Variants in LYZL2 observed in about 807,000 individuals in gnomAD.
The protein encoded by LYZL2 is lysozyme like 2, also known as lysozyme-like protein 2.
In LYZL2, 13 loss-of-function variants were observed where a neutral mutation model predicts 17.1. The ratio of observed to expected loss-of-function variants is 0.76; its 90% confidence interval spans 0.49 to 1.21. The LOEUF is 1.21. Among genes scored for constraint, LYZL2 ranks in the 50% most tolerant of loss-of-function variants. LYZL2 has a pLI of 0.00. For missense variants in LYZL2, 166 were observed against 189.2 expected (o/e 0.88, Z 0.72); for synonymous variants, 63 against 74.4 (o/e 0.85, Z 0.79).
intron 3 of LYZL2, among the ~76,000 whole-genome samples, chr10:30,619,132 A>G (rs1369164639): frequency 6.6e-6 from 1 of 152,242 alleles, no homozygotes; most frequent in Non-Finnish European, 1.5e-5. Context: ...ATGAGATACC[A>G]TCTCACATCA....
chr10:30,623,947 T>C (rs905120279), intron 3 of LYZL2, among the ~76,000 whole-genome samples: 4 of 152,142 alleles, frequency 2.6e-5, no homozygotes, highest in African/African-American at 4.8e-5. Flanking sequence ...AAACTAGAAA[T>C]CTTTAATAAA....
chr10:30,626,955 G>C lies in LYZL2; in HGVS notation c.-25-15C>G. 3 of 1,612,528 alleles carry C rather than the reference G, an allele frequency of 1.9e-6. No homozygotes were observed. The highest frequency in any genetic ancestry group is 2.5e-6 in the Non-Finnish European group (3 of 1,179,050). On this transcript the variant is annotated splice_polypyrimidine_tract_variant and intron_variant, in intron 1 of 4. Coordinates refer to ENST00000647634, the MANE Select transcript of LYZL2 (RefSeq NM_183058.3). ...GGAGACAGAACCTGCCAAAGAGCCGGAGAACAGGTCAGACGATCTTGATTC... is the reference window on the plus strand; with the variant it reads ...GGAGACAGAACCTGCCAAAGAGCCGCAGAACAGGTCAGACGATCTTGATTC...
intron 3 of LYZL2, among the ~76,000 whole-genome samples, chr10:30,625,398 C>T (rs1427329557): frequency 6.6e-6 from 1 of 152,134 alleles, no homozygotes; most frequent in Non-Finnish European, 1.5e-5. Flanking sequence ...TCAGATCCTT[C>T]CTCACATCTG....
At chr10:30,629,542 A>C (rs1371740527) in intron 1 of LYZL2, 51 bp downstream of exon 1, 1 of 1,597,884 alleles carries the variant, frequency 6.3e-7, no homozygotes, top group Non-Finnish European at 8.6e-7. Flanking sequence ...AGAACCTGCC[A>C]TTGCTGGTTC....
downstream of LYZL2, among the ~76,000 whole-genome samples, chr10:30,606,929 A>C (rs900647067): frequency 6.6e-5 from 9 of 137,392 alleles, no homozygotes; most frequent in Non-Finnish European, 1.4e-4. Flanking sequence ...TTTTTTTTTT[A>C]AGAGATGGAG....
chr10:30,610,486 T>A (rs1375137029), downstream of LYZL2, among the ~76,000 whole-genome samples: 1 of 152,078 alleles, frequency 6.6e-6, no homozygotes, highest in African/African-American at 2.4e-5. Context: ...AAGTGGGAGT[T>A]GAACAATGAG....
At chr10:30,617,679 A>AAAAAAAAAAAAAAAAAAAAT (rs1838554252) in intron 3 of LYZL2, among the ~76,000 whole-genome samples, 1 of 107,024 alleles carries the variant, frequency 9.3e-6, no homozygotes, top group Non-Finnish European at 2.0e-5. Context: ...TGTCTCAAAA[A>AAAAAAAAAAAAAAAAAAAAT]AAAAAAAAAA....
downstream of LYZL2, among the ~76,000 whole-genome samples, chr10:30,609,704 A>T (rs1838411094): frequency 1.3e-5 from 2 of 152,202 alleles, no homozygotes; most frequent in African/African-American, 4.8e-5. Flanking sequence ...ATGAAAATCT[A>T]CTTCCAAATA....
intron 1 of LYZL2, among the ~76,000 whole-genome samples, chr10:30,628,697 G>A (rs1030862905): frequency 6.6e-6 from 1 of 152,150 alleles, no homozygotes; most frequent in Non-Finnish European, 1.5e-5. Flanking sequence ...CCCTGGGGCT[G>A]GATTCCTGCA....
At chr10:30,607,587 G>C (rs1838391380), downstream of LYZL2, among the ~76,000 whole-genome samples, 1 of 152,084 alleles carries the variant, frequency 6.6e-6, no homozygotes, top group South Asian at 2.1e-4. Flanking sequence ...CCCTGAACTT[G>C]TGGAATCGGA....
intron 3 of LYZL2, among the ~76,000 whole-genome samples, chr10:30,624,173 T>A (rs965864354): frequency 1.3e-5 from 2 of 152,134 alleles, no homozygotes; most frequent in African/African-American, 2.4e-5. Flanking sequence ...TCTACCCTTC[T>A]CCACCATGCT....
intron 3 of LYZL2, among the ~76,000 whole-genome samples, chr10:30,614,632 A>G (rs1353058999): frequency 1.3e-5 from 2 of 152,210 alleles, no homozygotes; most frequent in African/African-American, 2.4e-5. Flanking sequence ...CTGCTTGTCA[A>G]TTATGCAAAG....
downstream of LYZL2, among the ~76,000 whole-genome samples, chr10:30,607,959 C>T (rs1045105865): frequency 1.4e-4 from 22 of 152,142 alleles, 1 homozygote; most frequent in Admixed American, 1.4e-3. Flanking sequence ...GCTAATTAGC[C>T]TACGTATCTT....
At chr10:30,613,971 A>C (rs1838489356) in intron 3 of LYZL2, among the ~76,000 whole-genome samples, 1 of 152,124 alleles carries the variant, frequency 6.6e-6, no homozygotes, top group Non-Finnish European at 1.5e-5. Context: ...TGGCCTCCCA[A>C]AGTGCTGGGA....
intron 3 of LYZL2, among the ~76,000 whole-genome samples, chr10:30,625,006 T>C (rs1838681188): frequency 6.6e-6 from 1 of 152,122 alleles, no homozygotes; most frequent in Non-Finnish European, 1.5e-5. Flanking sequence ...GGAATGGCCC[T>C]TGGGTGACAA....
chr10:30,625,205 G>A (rs767079058), intron 3 of LYZL2, among the ~76,000 whole-genome samples: 5 of 152,132 alleles, frequency 3.3e-5, no homozygotes, highest in Admixed American at 2.0e-4. Flanking sequence ...GAAATTTTGC[G>A]GTGTTTAAGC....
At chr10:30,613,513 A>G (rs1443381448) in intron 3 of LYZL2, among the ~76,000 whole-genome samples, 2 of 151,028 alleles carry the variant, frequency 1.3e-5, no homozygotes, top group East Asian at 3.9e-4. Context: ...AAAAAAAAAA[A>G]GGCACATAAG....
At chr10:30,610,055 A>G (rs1838415113), downstream of LYZL2, among the ~76,000 whole-genome samples, 1 of 152,152 alleles carries the variant, frequency 6.6e-6, no homozygotes, top group South Asian at 2.1e-4. Flanking sequence ...CCTGGGCCAC[A>G]CTGGAAGAAG....
At position 30,611,956 on chromosome 10, in the gene LYZL2, T is replaced by C. The variant is rs754846673; in HGVS notation, c.446A>G (p.Ter149=). ...AAGCATCCTGGGTCCAGTTCCAGTT[T>C]AGGAAACCTCACAGTCTTTTTTCCA... ...SDWKKDCEVS[*] Residue 149 remains the stop codon, a stop_retained_variant, in exon 5 of 5, where the codon TAA becomes TGA. Coordinates refer to ENST00000647634, the MANE Select transcript of LYZL2 (RefSeq NM_183058.3). The C allele has an allele frequency of 6.2e-6, 10 of 1,614,206 alleles. No individual in the cohort carries two copies. Among genetic ancestry groups the C allele is most frequent in the African/African-American group, 1.3e-5 (1 of 75,044 alleles).
Sources: gnomAD v4.1 joint callset for allele counts (sites outside exome capture counted in the v4.1 genomes callset) on GRCh38, gnomAD v4.1.1 for gene constraint, MANE v1.5 for transcripts, NCBI Gene and HGNC (gene_info 2026-07-23, HGNC 2026-07-21) for gene names.